TTLL1: variants seen among roughly 807,000 people sequenced by gnomAD.
TTLL1 encodes the protein polyglutamylase complex subunit TTLL1.
In TTLL1, 33 loss-of-function variants were observed where a neutral mutation model predicts 47.8. The observed-to-expected ratio is 0.69, with a 90% CI of 0.52 to 0.92. TTLL1 has a LOEUF of 0.92. TTLL1 is among the 40% of genes least tolerant of loss of function. The pLI, the probability that TTLL1 is intolerant of heterozygous loss-of-function variation, is 0.00. For missense variants in TTLL1, 488 were observed against 547.5 expected (o/e 0.89, Z 1.08); for synonymous variants, 225 against 214.1 (o/e 1.05, Z -0.45).
At chr22:43,064,846 T>C (rs1392176427) in intron 5 of TTLL1, among the ~76,000 whole-genome samples, 1 of 151,664 alleles carries the variant, frequency 6.6e-6, no homozygotes. Context: ...CTCCGTATGT[T>C]ACTATGATGG....
intron 10 of TTLL1, among the ~76,000 whole-genome samples, chr22:43,044,867 T>C (rs904980621): frequency 7.3e-6 from 1 of 136,748 alleles, no homozygotes; most frequent in African/African-American, 3.2e-5. Flanking sequence ...GGTCAATCCT[T>C]TTTTTTTTTT....
At chr22:43,087,935 G>A (rs1929342348) in intron 1 of TTLL1, among the ~76,000 whole-genome samples, 1 of 151,414 alleles carries the variant, frequency 6.6e-6, no homozygotes, top group South Asian at 2.1e-4. Flanking sequence ...ATCACCTGAG[G>A]TCAGGAGCTC....
intron 7 of TTLL1, among the ~76,000 whole-genome samples, chr22:43,062,481 C>A (rs952102253): frequency 7.1e-6 from 1 of 141,436 alleles, no homozygotes; most frequent in Non-Finnish European, 1.5e-5. Context: ...CAGAGCAAGA[C>A]TCTGTCTCTT....
chr22:43,052,934 C>T (rs1453573929), intron 8 of TTLL1, among the ~76,000 whole-genome samples: 1 of 151,904 alleles, frequency 6.6e-6, no homozygotes, highest in Non-Finnish European at 1.5e-5. Context: ...GTGGCGCGTG[C>T]CTGTAATCCC....
chr22:43,069,355 A>G lies in TTLL1; in HGVS notation c.322+281T>C, dbSNP rs552466348. 6.2e-4 allele frequency among the ~76,000 whole-genome samples: 92 copies of G among 149,098 alleles called. 1 individual carries two copies. The highest frequency in any genetic ancestry group is 2.1e-3 in the African/African-American group (85 of 40,260). ...TGCAGTGAGCTGAGATCGCGCCACT[A>G]CACTCCAGCCTGGATGACAGAGTGA... On this transcript the variant is annotated intron_variant, in intron 4 of 10. Coordinates refer to ENST00000266254, the MANE Select transcript of TTLL1 (RefSeq NM_012263.5).
intron 5 of TTLL1, among the ~76,000 whole-genome samples, chr22:43,066,082 C>T (rs533624522): frequency 6.6e-5 from 10 of 150,718 alleles, no homozygotes; most frequent in South Asian, 4.2e-4. Flanking sequence ...TCGCTTGAAC[C>T]TGGGACGTGG....
intron 2 of TTLL1, among the ~76,000 whole-genome samples, chr22:43,077,292 G>A (rs761631165): frequency 2.0e-5 from 3 of 151,974 alleles, no homozygotes; most frequent in Non-Finnish European, 2.9e-5. Context: ...CACAGGCCTC[G>A]CACACACTGG....
chr22:43,040,851 A>C (rs1925618231), intron 10 of TTLL1, among the ~76,000 whole-genome samples: 1 of 152,180 alleles, frequency 6.6e-6, no homozygotes, highest in Non-Finnish European at 1.5e-5. Context: ...TCGTGTCTGG[A>C]AGAGCTGGAT....
At chr22:43,042,643 C>T (rs1482549128) in intron 10 of TTLL1, among the ~76,000 whole-genome samples, 4 of 152,164 alleles carry the variant, frequency 2.6e-5, no homozygotes, top group African/African-American at 4.8e-5. Flanking sequence ...GCTGTGGGCA[C>T]GCAGAGCACC....
Position 43,081,799 on chromosome 22 carries a change from G to A in TTLL1, c.-89-1813C>T, listed in dbSNP as rs377600285. Among the ~76,000 whole-genome samples, 231 of 147,964 alleles carry A rather than the reference G, an allele frequency of 1.6e-3. 7 individuals are homozygous for A. The South Asian group carries it at 0.045, about 29-fold the overall frequency. On this transcript the variant is annotated intron_variant, in intron 1 of 10. Coordinates refer to ENST00000266254, the MANE Select transcript of TTLL1 (RefSeq NM_012263.5). ...CCTGACCTCATGATCCACCCGCTTC[G>A]GCCTCCCAAAGTGCTGGGATTATAG...
chr22:43,084,990 T>A (rs1929140978), intron 1 of TTLL1, among the ~76,000 whole-genome samples: 1 of 137,174 alleles, frequency 7.3e-6, no homozygotes. Flanking sequence ...TTTTTTGAGA[T>A]GGCATCTTGC....
chr22:43,084,151 A>G (rs1929073741), intron 1 of TTLL1, among the ~76,000 whole-genome samples: 1 of 148,558 alleles, frequency 6.7e-6, no homozygotes, highest in Non-Finnish European at 1.5e-5. Context: ...AACTCTAAAC[A>G]TATTTTTTTT....
In TTLL1 at chr22:43,051,792, C is replaced by T. The variant is rs776367999; in HGVS notation, c.978+9G>A. 5.0e-6 allele frequency: 8 copies of T among 1,613,886 alleles called. No homozygotes were observed. The highest frequency in any genetic ancestry group is 2.2e-5 in the East Asian group (1 of 44,852). The stretch of plus-strand genomic sequence containing the variant: ...TGGTGTGACCAGGTGCAGGTGCTCC[C>T]GCAGTTACCTCGATCAGCCAGGGCT... On this transcript the variant is annotated intron_variant, in intron 9 of 10. Transcript: ENST00000266254.
At chr22:43,042,857 G>C (rs1184277698) in intron 10 of TTLL1, among the ~76,000 whole-genome samples, 1 of 152,126 alleles carries the variant, frequency 6.6e-6, no homozygotes, top group African/African-American at 2.4e-5. Context: ...AGCCAGGAGA[G>C]GACGGCTGGA....
intron 1 of TTLL1, among the ~76,000 whole-genome samples, chr22:43,080,902 C>CTGTTTTTTTTTTT (rs1928833162): frequency 1.4e-5 from 1 of 69,284 alleles, no homozygotes; most frequent in Non-Finnish European, 2.6e-5. Context: ...TGTTGCATGA[C>CTGTTTTTTTTTTT]TTTTTTTTTT....
rs139775566 is a variant in TTLL1, at chr22:43,073,532, T to C, written c.113+1942A>G. Among the ~76,000 whole-genome samples, 356 of 151,282 alleles carry C rather than the reference T, an allele frequency of 2.4e-3. 3 individuals are homozygous for C. Among genetic ancestry groups the C allele is most frequent in the African/African-American group, 8.1e-3 (335 of 41,250 alleles). ...CCACCACACCCAGATAATTTTTGTA[T>C]TTTTGTAGTGATGGGGTTTCACCAA... On this transcript the variant is annotated intron_variant, in intron 3 of 10. Transcript: ENST00000266254.
rs1416440932 is a variant in TTLL1, at chr22:43,064,210, G to A, written c.618C>T (p.Tyr206=). Residue 206 remains tyrosine (Y), a synonymous_variant, in exon 6 of 11, where the codon TAC becomes TAT. Transcript: ENST00000266254. ...CTTACATGTAACAGCGCAGTGGACG[G>A]TACGTGGACACCAGAACGTACAAGC... ...DLRLYVLVST[Y]RPLRCYMYKL... is the part of the protein sequence containing the mutation. The A allele has an allele frequency of 6.2e-7, 1 of 1,613,940 alleles. No homozygotes were observed. The highest frequency in any genetic ancestry group is 1.7e-5 in the Admixed American group (1 of 59,918).
chr22:43,088,826 C>A (rs1006975045), intron 1 of TTLL1, among the ~76,000 whole-genome samples: 2 of 152,152 alleles, frequency 1.3e-5, no homozygotes, highest in Non-Finnish European at 2.9e-5. Flanking sequence ...CCCCGCCCTG[C>A]CCTCTTAGCT....
intron 7 of TTLL1, among the ~76,000 whole-genome samples, chr22:43,061,496 C>T (rs922644340): frequency 1.3e-5 from 2 of 152,224 alleles, no homozygotes; most frequent in Non-Finnish European, 2.9e-5. Context: ...TTCAGAAATG[C>T]ATATTTCATA....
Sources: gnomAD v4.1 joint callset for allele counts (sites outside exome capture counted in the v4.1 genomes callset) on GRCh38, gnomAD v4.1.1 for gene constraint, MANE v1.5 for transcripts, NCBI Gene and HGNC (gene_info 2026-07-23, HGNC 2026-07-21) for gene names.